TMEM135: variants seen among roughly 807,000 people sequenced by gnomAD.
TMEM135 encodes the protein peroxisomal membrane protein 52.
A neutral mutation model predicts 60.3 loss-of-function variants in TMEM135; 30 were observed. The observed-to-expected ratio is 0.50, with a 90% CI of 0.37 to 0.68. TMEM135 has a LOEUF of 0.68. Among genes scored for constraint, TMEM135 ranks in the 30% least tolerant of loss-of-function variants. The pLI is 0.00. For missense variants in TMEM135, 468 were observed against 548.8 expected, an observed-to-expected ratio of 0.85 and a Z score of 1.47; for synonymous variants, 190 against 186.7, an observed-to-expected ratio of 1.02 and a Z score of -0.14.
At chr11:87,097,186 G>A (rs1048436417) in intron 4 of TMEM135, among the ~76,000 whole-genome samples, 1 of 151,988 alleles carries the variant, frequency 6.6e-6, no homozygotes, top group Admixed American at 6.6e-5. Flanking sequence ...CAGTACAGAC[G>A]GGGTTTCACC....
Position 87,324,567 on chromosome 11 carries a change from G to A in TMEM135, c.*3234G>A, listed in dbSNP as rs929828080. 3 of 451,082 alleles carry A rather than the reference G, an allele frequency of 6.7e-6. No homozygotes were observed. Among genetic ancestry groups the A allele is most frequent in the African/African-American group, 6.0e-5 (3 of 49,710 alleles). The allele number at this position is 451,082 out of a possible 1,614,324, so 27.9% of individuals were successfully genotyped here. ...CTCTAATAGCTGGGACAACAGGCAT[G>A]TGCCACCATGCCTGGCTAATATTTA... On this transcript the variant is annotated 3_prime_UTR_variant, in exon 15 of 15. Transcript: ENST00000305494.
intron 7 of TMEM135, 82 bp from the exon 8 acceptor site, chr11:87,302,214 T>A: frequency 7.0e-7 from 1 of 1,430,778 alleles, no homozygotes; most frequent in Non-Finnish European, 9.6e-7. Flanking sequence ...CAAAGCGTAT[T>A]TGTTTATAAA....
chr11:87,050,367 T>C (rs1404290745), intron 1 of TMEM135, among the ~76,000 whole-genome samples: 1 of 54,498 alleles, frequency 1.8e-5, no homozygotes. Context: ...AAAAAATCAA[T>C]GAATCCAGGA....
chr11:87,262,039 A>G (rs1005963016), intron 6 of TMEM135, among the ~76,000 whole-genome samples: 1 of 152,206 alleles, frequency 6.6e-6, no homozygotes, highest in African/African-American at 2.4e-5. Flanking sequence ...TTCGGATTCT[A>G]TCCAAATGTC....
chr11:87,244,766 G>A lies in TMEM135; in HGVS notation c.509+8082G>A, dbSNP rs1344812245. 5.2e-3 allele frequency among the ~76,000 whole-genome samples: 764 copies of A among 146,964 alleles called. 8 individuals carry two copies. Among genetic ancestry groups the A allele is most frequent in the African/African-American group, 0.018 (713 of 39,428 alleles). ...TTTCTTCTTTATTAGTCTTGCTAGCGGTCTATCAATTTTTTTGATCCTTTC... is the reference window on the plus strand; with the variant it reads ...TTTCTTCTTTATTAGTCTTGCTAGCAGTCTATCAATTTTTTTGATCCTTTC... On this transcript the variant is annotated intron_variant, in intron 6 of 14. Transcript: ENST00000305494.
At chr11:87,122,309 G>GTTTTTTTTTTTTTTTTTTTTTTTTATTT (rs11367827) in intron 4 of TMEM135, among the ~76,000 whole-genome samples, 1 of 110,360 alleles carries the variant, frequency 9.1e-6, no homozygotes, top group African/African-American at 3.3e-5. Context: ...GTTTTGCTAG[G>GTTTTTTTTTTTTTTTTTTTTTTTTATTT]TTTTTTTTTT....
Position 87,037,970 on chromosome 11 carries a change from G to T in TMEM135, c.-76G>T, listed in dbSNP as rs769712912. The T allele has an allele frequency of 1.9e-6, 3 of 1,600,948 alleles. No homozygotes were observed. The highest frequency in any genetic ancestry group is 2.6e-6 in the Non-Finnish European group (3 of 1,175,456). On this transcript the variant is annotated 5_prime_UTR_variant, in exon 1 of 15. Transcript: ENST00000305494. The stretch of plus-strand genomic sequence containing the variant: ...CCGAGTGCTGGCCGGGCGAGAGGCT[G>T]GCGGCTGGGCTCTCGCGCCCCTCCC...
At chr11:87,159,611 A>ACACACACG (rs1228938204) in intron 5 of TMEM135, among the ~76,000 whole-genome samples, 10,094 of 144,528 alleles carry the variant, frequency 0.07, 354 homozygotes, top group African/African-American at 0.094. Flanking sequence ...ACACACACAC[A>ACACACACG]CACACACCAT....
chr11:87,118,323 T>G (rs937455426), intron 4 of TMEM135, among the ~76,000 whole-genome samples: 1 of 152,238 alleles, frequency 6.6e-6, no homozygotes, highest in African/African-American at 2.4e-5. Flanking sequence ...AGTTCTTTTC[T>G]CTAGCTGCGA....
At chr11:87,040,500 G>A (rs1388710641) in intron 1 of TMEM135, among the ~76,000 whole-genome samples, 3 of 152,004 alleles carry the variant, frequency 2.0e-5, no homozygotes, top group Non-Finnish European at 2.9e-5. Flanking sequence ...CCATCTCTAC[G>A]AAAAATATAA....
chr11:87,091,440 T>C (rs772479021), intron 4 of TMEM135, 45 bp downstream of exon 4: 4 of 1,588,792 alleles, frequency 2.5e-6, no homozygotes, highest in Non-Finnish European at 3.4e-6. Flanking sequence ...ATAAGCTATA[T>C]CTTTTTAAAA....
chr11:87,252,798 A>ATATG (rs1555124821), intron 6 of TMEM135, among the ~76,000 whole-genome samples: 11,110 of 134,070 alleles, frequency 0.083, 575 homozygotes, highest in Non-Finnish European at 0.13. Flanking sequence ...TAAAATATAT[A>ATATG]TGTGTGTGTG....
intron 1 of TMEM135, among the ~76,000 whole-genome samples, chr11:87,053,979 T>A (rs1326565112): frequency 8.5e-5 from 13 of 152,212 alleles, no homozygotes; most frequent in Admixed American, 8.5e-4. Context: ...TAATAAGTAT[T>A]TGTTAGTGAG....
In TMEM135 at chr11:87,304,765, A is replaced by C. The variant is rs185586483; in HGVS notation, c.699-1171A>C. On this transcript the variant is annotated intron_variant, in intron 8 of 14. Transcript: ENST00000305494. ...TGCAAGTTATTGTTATAAACAGGAA[A>C]ACATTCATGTGGTTCAACCATGAAA... Among the ~76,000 whole-genome samples the C allele has an allele frequency of 2.4e-3, 370 of 152,350 alleles. 2 individuals carry two copies. The highest frequency in any genetic ancestry group is 8.7e-3 in the African/African-American group (361 of 41,570).
intron 6 of TMEM135, among the ~76,000 whole-genome samples, chr11:87,289,646 G>A (rs191318690): frequency 3.3e-5 from 5 of 151,664 alleles, no homozygotes; most frequent in South Asian, 4.2e-4. Flanking sequence ...TGTTAGAGAC[G>A]GGTTTCACCA....
intron 3 of TMEM135, among the ~76,000 whole-genome samples, chr11:87,089,628 T>C (rs750572723): frequency 2.6e-5 from 4 of 152,206 alleles, no homozygotes; most frequent in Non-Finnish European, 4.4e-5. Flanking sequence ...TTGTAACATA[T>C]ATGTTTTTTC....
intron 1 of TMEM135, among the ~76,000 whole-genome samples, chr11:87,042,284 T>TC (rs1315661656): frequency 1.3e-4 from 20 of 152,236 alleles, no homozygotes; most frequent in African/African-American, 3.9e-4. Flanking sequence ...CTTCTTGGCC[T>TC]CTCTGAGCAT....
chr11:87,174,125 G>A (rs1458969259), intron 5 of TMEM135, among the ~76,000 whole-genome samples: 2 of 152,112 alleles, frequency 1.3e-5, no homozygotes, highest in East Asian at 1.9e-4. Context: ...AGTCTTAGTT[G>A]AGCAGAAGTC....
chr11:87,279,257 C>G (rs1318271882), intron 6 of TMEM135, among the ~76,000 whole-genome samples: 2 of 152,022 alleles, frequency 1.3e-5, no homozygotes, highest in East Asian at 3.9e-4. Context: ...TCTTTTAGAT[C>G]ATGGTGTTAA....
Sources: gnomAD v4.1 joint callset for allele counts (sites outside exome capture counted in the v4.1 genomes callset) on GRCh38, gnomAD v4.1.1 for gene constraint, MANE v1.5 for transcripts, NCBI Gene and HGNC (gene_info 2026-07-23, HGNC 2026-07-21) for gene names.